The following RAE1 variants were observed in gnomAD, a reference collection of about 807,000 sequenced individuals.
RAE1 encodes ribonucleic acid export 1.
Under a neutral mutation model 52.7 loss-of-function variants are expected in RAE1, and 13 were observed. The observed-to-expected ratio is 0.25, with a 90% CI of 0.16 to 0.39. The LOEUF (loss-of-function observed/expected upper bound fraction) is 0.39, where lower values mean the gene tolerates loss of function less well. Ranked by LOEUF, RAE1 falls within the 10% of genes least tolerant of loss-of-function variation. The pLI is 1.00. For synonymous variants in RAE1, 164 were observed against 153.1 expected (o/e 1.07, Z -0.52); for missense variants, 262 against 459.8 (o/e 0.57, Z 3.93).
Position 57,351,431 on chromosome 20 carries a change from C to G in RAE1, c.-8+9C>G, listed in dbSNP as rs1233898545. On this transcript the variant is annotated intron_variant, in intron 1 of 11. Transcript: ENST00000395841. ...CGGGGCGAGACCCCCAGGTAGGCCC[C>G]GTGCCGCGCGCGTCCCGTCGTTAAC... 1.0e-6 allele frequency: 1 copy of G among 985,362 alleles called. No homozygotes were observed. Among genetic ancestry groups the G allele is most frequent in the Non-Finnish European group, 1.2e-6 (1 of 829,986 alleles). The allele number at this position is 985,362 out of a possible 1,614,324, so 61.0% of individuals were successfully genotyped here.
chr20:57,376,384 T>G (rs371428907), intron 11 of RAE1, among the ~76,000 whole-genome samples: 51 of 152,374 alleles, frequency 3.3e-4, no homozygotes, highest in African/African-American at 1.2e-3. Flanking sequence ...TGTATATTAC[T>G]GTAATCTTCC....
intron 11 of RAE1, among the ~76,000 whole-genome samples, chr20:57,376,707 C>T (rs111700189): frequency 0.016 from 2,394 of 152,300 alleles, 18 homozygotes; most frequent in Non-Finnish European, 0.024. Flanking sequence ...CAGGCTGTGG[C>T]GTGCGTGGAG....
Position 57,359,130 on chromosome 20 carries a change from T to C in RAE1, c.288+2592T>C, listed in dbSNP as rs192797032. The C allele has an allele frequency of 5.0e-5, 43 of 864,136 alleles. No homozygotes were observed. In the East Asian group the frequency reaches 6.1e-4, roughly 12 times the overall value. 53.5% of individuals were successfully genotyped at this position (864,136 alleles called of 1,614,324 possible). A position where few individuals can be genotyped will look rare whatever the true frequency, so the allele number is the denominator to read the frequency against. On this transcript the variant is annotated intron_variant, in intron 4 of 11. Transcript: ENST00000395841. ...TGTTGAATATATGTCACTGGGCAGA[T>C]AGTGCCTCTAATACTGGTAATGCTA...
In RAE1 at chr20:57,374,709, ACTTC is replaced by A; in HGVS notation, c.929_932del (p.Thr310ArgfsTer4). ...CAAAGATGCCAGAACAAAACTAAAAACTTCGGAACAGTTAGATCAGCCCATCTCA... is the reference window on the plus strand; with the variant it reads ...CAAAGATGCCAGAACAAAACTAAAAAGGAACAGTTAGATCAGCCCATCTCA... On this transcript the variant is annotated frameshift_variant, in exon 11 of 12. Transcript: ENST00000395841. LOFTEE classifies it high-confidence loss of function. 6.2e-7 allele frequency: 1 copy of A among 1,614,180 alleles called. No homozygotes were observed. Among genetic ancestry groups the A allele is most frequent in the Non-Finnish European group, 8.5e-7 (1 of 1,180,030 alleles).
At chr20:57,370,555 C>T (rs145285262) in intron 8 of RAE1, among the ~76,000 whole-genome samples, 1 of 152,312 alleles carries the variant, frequency 6.6e-6, no homozygotes, top group East Asian at 1.9e-4. Context: ...GACATGGACA[C>T]CCAGTCGGAC....
intron 1 of RAE1, among the ~76,000 whole-genome samples, chr20:57,353,343 G>A (rs1199206947): frequency 6.6e-6 from 1 of 152,200 alleles, no homozygotes; most frequent in Non-Finnish European, 1.5e-5. Flanking sequence ...ATGAAGACTG[G>A]TGAGATTAGA....
rs539212307 is a variant in RAE1, at chr20:57,373,540, C to T, written c.708C>T (p.Ile236=). 1.6e-5 allele frequency: 26 copies of T among 1,614,072 alleles called. No individual in the cohort carries two copies. In the South Asian group the frequency reaches 1.9e-4, roughly 12 times the overall value. Residue 236 remains isoleucine, a synonymous_variant, in exon 9 of 12, where the codon ATC becomes ATT. Transcript: ENST00000395841. ...CTACTGGTTTTGCCCTGGGAAGTAT[C>T]GAGGGGAGAGTTGCTATTCACTATA... ...NKPTGFALGS[I]EGRVAIHYIN...
chr20:57,355,373 A>G (rs2066769656), intron 3 of RAE1, among the ~76,000 whole-genome samples: 1 of 152,128 alleles, frequency 6.6e-6, no homozygotes, highest in Admixed American at 6.5e-5. Flanking sequence ...ATAAATGCAA[A>G]TTTAAGACTT....
chr20:57,365,004 A>G (rs894006581), intron 4 of RAE1, among the ~76,000 whole-genome samples: 2 of 152,206 alleles, frequency 1.3e-5, no homozygotes, highest in African/African-American at 4.8e-5. Context: ...ACTTTTCTGA[A>G]GGCTTAAATT....
chr20:57,374,627 T>C lies in RAE1; in HGVS notation c.846T>C (p.His282=). ...DIYAVNGIAF[H]PVHGTLATVG... ...TGCAGGTAAATGGAATCGCGTTCCA[T>C]CCTGTTCATGGCACCCTTGCAACTG... The change falls in exon 11 of 12, where the codon CAT becomes CAC. Residue 282 remains histidine, a synonymous_variant. Coordinates refer to ENST00000395841, the MANE Select transcript of RAE1 (RefSeq NM_003610.4). 6.2e-7 allele frequency: 1 copy of C among 1,613,858 alleles called. No homozygotes were observed.
rs1275697468 is a variant in RAE1 at position 57,378,584 on chromosome 20, T to C, written c.*485T>C. 6.5e-6 allele frequency: 1 copy of C among 153,812 alleles called. No individual in the cohort carries two copies. Among genetic ancestry groups the C allele is most frequent in the Admixed American group, 6.5e-5 (1 of 15,454 alleles). 9.5% of individuals were successfully genotyped at this position (153,812 alleles called of 1,614,324 possible). A position where few individuals can be genotyped will look rare whatever the true frequency, so the allele number is the denominator to read the frequency against. On this transcript the variant is annotated 3_prime_UTR_variant, in exon 12 of 12. Coordinates refer to ENST00000395841, the MANE Select transcript of RAE1 (RefSeq NM_003610.4). ...ACACCCTCTGGGAAATGCGGCAACC[T>C]TAGGGGAAAGGGAGTCCCCAGCTGC...
chr20:57,352,205 T>G (rs2066720901), intron 1 of RAE1, among the ~76,000 whole-genome samples: 1 of 152,242 alleles, frequency 6.6e-6, no homozygotes, highest in Admixed American at 6.5e-5. Flanking sequence ...GTGTATATTG[T>G]GAGTTTGGAA....
chr20:57,362,900 CCTCCCAAGTAGCTGGGGTTACAGG>C (rs1395180259), intron 4 of RAE1, among the ~76,000 whole-genome samples: 5 of 152,164 alleles, frequency 3.3e-5, no homozygotes, highest in African/African-American at 1.2e-4. Flanking sequence ...CCTGCCTCAG[CCTCCCAAGTAGCTGGGGTTACAGG>C]CGCCCACCAC....
intron 8 of RAE1, among the ~76,000 whole-genome samples, chr20:57,369,210 A>G (rs1403787711): frequency 6.6e-6 from 1 of 152,250 alleles, no homozygotes; most frequent in East Asian, 1.9e-4. Flanking sequence ...ATGCTTTCAT[A>G]CCATCTTGAG....
intron 4 of RAE1, among the ~76,000 whole-genome samples, chr20:57,356,817 C>T (rs899240516): frequency 7.2e-5 from 11 of 152,126 alleles, no homozygotes; most frequent in South Asian, 2.1e-4. Context: ...GGTGAAACAC[C>T]GGTGCCAAGC....
intron 8 of RAE1, chr20:57,372,546 G>T (rs1374602705): frequency 6.6e-6 from 1 of 152,278 alleles, no homozygotes; most frequent in Non-Finnish European, 1.5e-5. Context: ...ACTTACAGAT[G>T]TTTGTCAGTT....
chr20:57,373,339 A>G, intron 8 of RAE1, 136 bp from the exon 9 acceptor site: 2 of 747,252 alleles, frequency 2.7e-6, no homozygotes, highest in Non-Finnish European at 4.4e-6. Flanking sequence ...AGCAATGCTT[A>G]CTGCTGTATC....
chr20:57,373,918 C>T (rs140761645), intron 10 of RAE1, among the ~76,000 whole-genome samples, 180 bp downstream of exon 10: 220 of 152,266 alleles, frequency 1.4e-3, no homozygotes, highest in African/African-American at 5.0e-3. Flanking sequence ...GTTTTTGAGA[C>T]GGAGTCGCTC....
chr20:57,360,721 G>A (rs1335098909), intron 4 of RAE1, among the ~76,000 whole-genome samples: 3 of 152,170 alleles, frequency 2.0e-5, no homozygotes, highest in Non-Finnish European at 2.9e-5. Context: ...ATTAGCTTGG[G>A]TTAACTGTAT....
Sources: allele counts gnomAD v4.1 joint callset (sites outside exome capture counted in the v4.1 genomes callset), GRCh38; gene constraint gnomAD v4.1.1; transcripts MANE v1.5; gene names NCBI Gene and HGNC (gene_info 2026-07-23, HGNC 2026-07-21).